The following KTN1 variants were observed in gnomAD, a reference collection of about 807,000 sequenced individuals.
The protein encoded by KTN1 is kinectin 1, also known as kinectin.
In KTN1, 130 loss-of-function variants were observed where a neutral mutation model predicts 222.5. The ratio of observed to expected loss-of-function variants is 0.58; its 90% CI spans 0.51 to 0.68. The LOEUF (loss-of-function observed/expected upper bound fraction) is 0.68, where lower values mean the gene tolerates loss of function less well. KTN1 is among the 30% of genes least tolerant of loss of function. The pLI is 0.00. For synonymous variants in KTN1, 512 were observed against 496.3 expected, an observed-to-expected ratio of 1.03 and a Z score of -0.42; for missense variants, 1,508 against 1,500.4, an observed-to-expected ratio of 1.01 and a Z score of -0.08.
chr14:55,678,799 G>A (rs984906920), intron 42 of KTN1: 14 of 237,954 alleles, frequency 5.9e-5, no homozygotes, highest in Non-Finnish European at 1.1e-4. Context: ...GATTCTCATA[G>A]GAGTGCAAAC....
rs2033542235 is a variant in KTN1, at chr14:55,588,766, G to C, written c.-31+8412G>C. Among the ~76,000 whole-genome samples the C allele has an allele frequency of 2.0e-5, 3 of 152,278 alleles. No individual in the cohort carries two copies. The South Asian group carries it at 6.2e-4, about 32-fold the overall frequency. On this transcript the variant is annotated intron_variant, in intron 1 of 43. Coordinates refer to ENST00000395314, the MANE Select transcript of KTN1 (RefSeq NM_001079521.2). ...TGGCACCATGTACAGTAACCATATA[G>C]GGTCTGGTTTGTGTAAGTTTTGATA...
chr14:55,609,477 A>G (rs553833707), intron 1 of KTN1, among the ~76,000 whole-genome samples: 1 of 152,356 alleles, frequency 6.6e-6, no homozygotes, highest in South Asian at 2.1e-4. Context: ...GTGAAAATCC[A>G]GAGACAGAAA....
At chr14:55,581,008 C>T (rs1333952365) in intron 1 of KTN1, among the ~76,000 whole-genome samples, 2 of 152,234 alleles carry the variant, frequency 1.3e-5, no homozygotes, top group Admixed American at 6.5e-5. Context: ...AATCCATGGA[C>T]CACTCTCGAC....
chr14:55,665,852 C>G (rs1258063886), intron 33 of KTN1, among the ~76,000 whole-genome samples: 3 of 151,844 alleles, frequency 2.0e-5, no homozygotes, highest in Non-Finnish European at 4.4e-5. Flanking sequence ...TTGTTAATAC[C>G]AAATAAAAGT....
Position 55,636,446 on chromosome 14 carries a change from A to G in KTN1, c.1462-3A>G. On this transcript the variant is annotated splice_polypyrimidine_tract_variant and splice_region_variant and intron_variant, in intron 9 of 43. Transcript: ENST00000395314. ...TATCCTTTCTCCCTTTTAAAATACCAAGGTTCAACTACAAGAAGCTGAGAG... is the reference window on the plus strand; with the variant it reads ...TATCCTTTCTCCCTTTTAAAATACCGAGGTTCAACTACAAGAAGCTGAGAG... The G allele has an allele frequency of 6.2e-7, 1 of 1,604,186 alleles. No homozygotes were observed. Among genetic ancestry groups the G allele is most frequent in the Non-Finnish European group, 8.5e-7 (1 of 1,173,752 alleles).
intron 1 of KTN1, among the ~76,000 whole-genome samples, chr14:55,581,007 A>G (rs1040758645): frequency 2.6e-5 from 4 of 152,158 alleles, no homozygotes; most frequent in African/African-American, 9.7e-5. Context: ...AAATCCATGG[A>G]CCACTCTCGA....
At chr14:55,638,534 G>A (rs1195114835) in intron 12 of KTN1, among the ~76,000 whole-genome samples, 1 of 151,666 alleles carries the variant, frequency 6.6e-6, no homozygotes, top group Non-Finnish European at 1.5e-5. Flanking sequence ...TTTAAGGTTC[G>A]GAGAAGTTCA....
chr14:55,639,108 A>T, intron 12 of KTN1, 77 bp from the exon 13 acceptor site: 1 of 935,402 alleles, frequency 1.1e-6, no homozygotes, highest in Non-Finnish European at 1.7e-6. Flanking sequence ...CTTAAAATTT[A>T]AAGCTGTTAT....
intron 1 of KTN1, among the ~76,000 whole-genome samples, chr14:55,594,350 T>C (rs905099031): frequency 6.6e-6 from 1 of 151,926 alleles, no homozygotes. Context: ...ACATCTGATA[T>C]TAGCATCACA....
intron 12 of KTN1, 145 bp downstream of exon 12, chr14:55,637,992 C>G (rs981480487): frequency 6.8e-6 from 4 of 588,598 alleles, no homozygotes; most frequent in Non-Finnish European, 1.2e-5. Context: ...GTGCTAAACA[C>G]TTGCTAATTA....
At chr14:55,599,128 T>C (rs751363004) in intron 1 of KTN1, among the ~76,000 whole-genome samples, 8 of 152,238 alleles carry the variant, frequency 5.3e-5, no homozygotes, top group Non-Finnish European at 1.2e-4. Flanking sequence ...TATGTCTGTG[T>C]ACATATGTAT....
rs147843206 is a variant in KTN1, at chr14:55,677,209, C to T, written c.3856-1143C>T. Among the ~76,000 whole-genome samples, 1,382 of 152,324 alleles carry T rather than the reference C, an allele frequency of 9.1e-3. 9 individuals carry two copies. Among genetic ancestry groups the T allele is most frequent in the South Asian group, 0.025 (119 of 4,826 alleles). On this transcript the variant is annotated intron_variant, in intron 41 of 43. Transcript: ENST00000395314. The stretch of plus-strand genomic sequence containing the variant: ...AGTTTATAACGGCTGGGCATGGTGG[C>T]TCACGCCTGTAATCCCAGTACTTTG...
At chr14:55,601,865 G>A (rs571665049) in intron 1 of KTN1, 1 of 152,256 alleles carries the variant, frequency 6.6e-6, no homozygotes, top group African/African-American at 2.4e-5. Flanking sequence ...AGCCTCCTAA[G>A]TAGCTGGGAT....
At chr14:55,615,567 CAAA>C (rs141567138) in intron 2 of KTN1, among the ~76,000 whole-genome samples, 11,637 of 152,082 alleles carry the variant, frequency 0.077, 496 homozygotes, top group South Asian at 0.11. Context: ...TATAAAATGC[CAAA>C]GAGTAGTCAA....
At chr14:55,625,937 C>G (rs78055230) in intron 5 of KTN1, among the ~76,000 whole-genome samples, 192 of 152,130 alleles carry the variant, frequency 1.3e-3, no homozygotes, top group African/African-American at 4.5e-3. Context: ...TTATTATTTA[C>G]TGGATTTTTT....
intron 31 of KTN1, among the ~76,000 whole-genome samples, chr14:55,660,674 T>G (rs2044036000): frequency 6.6e-6 from 1 of 152,222 alleles, no homozygotes; most frequent in Non-Finnish European, 1.5e-5. Flanking sequence ...AGTTTGACTA[T>G]ATAGAGAAAA....
intron 1 of KTN1, among the ~76,000 whole-genome samples, chr14:55,581,509 G>A (rs1362995349): frequency 1.3e-5 from 2 of 151,862 alleles, no homozygotes; most frequent in Non-Finnish European, 2.9e-5. Context: ...AAGAGCTACG[G>A]TTGAAGTTAA....
chr14:55,625,399 C>T (rs1196389780), intron 5 of KTN1, among the ~76,000 whole-genome samples: 1 of 152,072 alleles, frequency 6.6e-6, no homozygotes, highest in South Asian at 2.1e-4. Flanking sequence ...ACAATTTGGG[C>T]CCCATGCTGT....
Position 55,646,516 on chromosome 14 carries a change from TTTCC to T in KTN1, c.2173-454_2173-451del, listed in dbSNP as rs2042364918. Among the ~76,000 whole-genome samples the T allele has an allele frequency of 2.4e-5, 3 of 125,082 alleles. No homozygotes were observed. The South Asian group carries it at 8.3e-4, about 35-fold the overall frequency. 82.1% of individuals were successfully genotyped at this position (125,082 alleles called of 152,430 possible). On this transcript the variant is annotated intron_variant, in intron 18 of 43. Coordinates refer to ENST00000395314, the MANE Select transcript of KTN1 (RefSeq NM_001079521.2). The stretch of plus-strand genomic sequence containing the variant: ...TTTCCTTTCCTTTCCTTTCCTTTCC[TTTCC>T]TTTCCTTTCCTTTCCTTTCCTTTCC...
Sources: gnomAD v4.1 joint callset for allele counts (sites outside exome capture counted in the v4.1 genomes callset) on GRCh38, gnomAD v4.1.1 for gene constraint, MANE v1.5 for transcripts, NCBI Gene and HGNC (gene_info 2026-07-23, HGNC 2026-07-21) for gene names.